The following CDIN1 variants were observed in gnomAD, a reference collection of about 807,000 sequenced individuals.
CDIN1 encodes the protein CDAN1-interacting nuclease 1.
CDIN1 carries 33 observed loss-of-function variants against 45.3 expected under a neutral mutation model. That is an observed-to-expected ratio of 0.73 (90% CI 0.55 to 0.97). The LOEUF (loss-of-function observed/expected upper bound fraction) is 0.97, where lower values mean the gene tolerates loss of function less well. Among genes scored for constraint, CDIN1 ranks in the 50% least tolerant of loss-of-function variants. The pLI is 0.00. For missense variants in CDIN1, 303 were observed against 339.4 expected (o/e 0.89, Z 0.84); for synonymous variants, 118 against 124.4 (o/e 0.95, Z 0.34).
intron 10 of CDIN1, among the ~76,000 whole-genome samples, chr15:36,736,499 T>C (rs1413013348): frequency 6.6e-6 from 1 of 152,182 alleles, no homozygotes; most frequent in African/African-American, 2.4e-5. Flanking sequence ...GATGCTGCTT[T>C]GATAATGAGT....
chr15:36,795,039 A>G (rs1375358043), intron 10 of CDIN1, among the ~76,000 whole-genome samples: 2 of 146,950 alleles, frequency 1.4e-5, no homozygotes, highest in Non-Finnish European at 3.1e-5. Context: ...GCACAGAATA[A>G]CAAATATCAC....
chr15:36,704,000 A>T (rs1429097568), intron 8 of CDIN1, among the ~76,000 whole-genome samples: 4 of 151,946 alleles, frequency 2.6e-5, no homozygotes, highest in Non-Finnish European at 5.9e-5. Flanking sequence ...CCTCCCTACA[A>T]CCTGTCCTGT....
At chr15:36,721,975 G>T (rs1000345497) in intron 10 of CDIN1, among the ~76,000 whole-genome samples, 1 of 151,888 alleles carries the variant, frequency 6.6e-6, no homozygotes, top group Non-Finnish European at 1.5e-5. Context: ...CCAATCAAAT[G>T]GCTCACTCTT....
At chr15:36,678,145 T>G (rs774594460) in intron 5 of CDIN1, among the ~76,000 whole-genome samples, 5 of 152,232 alleles carry the variant, frequency 3.3e-5, no homozygotes, top group Non-Finnish European at 7.3e-5. Context: ...ATTCAGATTG[T>G]CAAATGAGAT....
chr15:36,751,328 A>G (rs2053465589), intron 10 of CDIN1, among the ~76,000 whole-genome samples: 2 of 147,938 alleles, frequency 1.4e-5, no homozygotes, highest in Admixed American at 1.4e-4. Flanking sequence ...TCTTAATGCC[A>G]TGGAAATTCC....
intron 1 of CDIN1, among the ~76,000 whole-genome samples, chr15:36,633,361 TC>T (rs2039760259): frequency 6.6e-6 from 1 of 152,214 alleles, no homozygotes; most frequent in Non-Finnish European, 1.5e-5. Flanking sequence ...CTGAGGTAAC[TC>T]TTTTCTTGAG....
At chr15:36,768,845 A>G (rs1476880519) in intron 10 of CDIN1, among the ~76,000 whole-genome samples, 1 of 152,132 alleles carries the variant, frequency 6.6e-6, no homozygotes, top group African/African-American at 2.4e-5. Context: ...CCAAGGAGAA[A>G]GGCCTCAGAG....
chr15:36,762,911 G>C (rs1214957372), intron 10 of CDIN1, among the ~76,000 whole-genome samples: 1 of 152,036 alleles, frequency 6.6e-6, no homozygotes, highest in Admixed American at 6.5e-5. Flanking sequence ...ATTTGGGTTG[G>C]TTCCAAGTCT....
chr15:36,670,176 A>T (rs1446722307), intron 5 of CDIN1, among the ~76,000 whole-genome samples: 1 of 152,044 alleles, frequency 6.6e-6, no homozygotes, highest in Admixed American at 6.6e-5. Context: ...TTTTATTTAG[A>T]TTTAGAACTT....
chr15:36,637,422 CA>C (rs955196918), intron 1 of CDIN1, among the ~76,000 whole-genome samples: 8 of 152,108 alleles, frequency 5.3e-5, no homozygotes, highest in African/African-American at 1.9e-4. Flanking sequence ...TTTTGTACTT[CA>C]AAAGGTACCA....
chr15:36,672,407 G>A (rs1192814263), intron 5 of CDIN1, among the ~76,000 whole-genome samples: 1 of 151,808 alleles, frequency 6.6e-6, no homozygotes, highest in Non-Finnish European at 1.5e-5. Context: ...ACAGGCTCTT[G>A]GGAGATCTCA....
Position 36,695,935 on chromosome 15 carries a change from A to T in CDIN1, c.477-1388A>T, listed in dbSNP as rs76092523. Among the ~76,000 whole-genome samples the T allele has an allele frequency of 6.7e-3, 1,018 of 152,210 alleles. 8 individuals are homozygous for T. The highest frequency in any genetic ancestry group is 0.023 in the African/African-American group (950 of 41,534). Reference sequence around the variant, plus strand: ...TCAAAGTATTTAGTACAAAGTCTTCATACATTATATTTAAGAAATATTAGC... The same window carrying T: ...TCAAAGTATTTAGTACAAAGTCTTCTTACATTATATTTAAGAAATATTAGC... On this transcript the variant is annotated intron_variant, in intron 7 of 10. Transcript: ENST00000566621.
At chr15:36,626,709 G>T in intron 1 of CDIN1, 1 of 430,826 alleles carries the variant, frequency 2.3e-6, no homozygotes, top group South Asian at 1.8e-5. Flanking sequence ...GTGCTATTCT[G>T]GTTCACCTGA....
chr15:36,798,848 T>C (rs974646271), intron 10 of CDIN1: 1 of 152,192 alleles, frequency 6.6e-6, no homozygotes, highest in African/African-American at 2.4e-5. Flanking sequence ...ATTTCTAATA[T>C]TCAGAAAGTT....
intron 10 of CDIN1, among the ~76,000 whole-genome samples, chr15:36,712,523 C>G (rs185629158): frequency 1.9e-4 from 29 of 152,180 alleles, no homozygotes; most frequent in African/African-American, 6.7e-4. Flanking sequence ...CTTGGTCTCC[C>G]AAAGTGCTGG....
intron 10 of CDIN1, among the ~76,000 whole-genome samples, chr15:36,718,145 A>C (rs1224644100): frequency 6.6e-6 from 1 of 151,932 alleles, no homozygotes; most frequent in Non-Finnish European, 1.5e-5. Flanking sequence ...TCTCCACCTA[A>C]ATTACCTTTG....
chr15:36,745,915 G>A (rs997144646), intron 10 of CDIN1, among the ~76,000 whole-genome samples: 2 of 151,946 alleles, frequency 1.3e-5, no homozygotes, highest in African/African-American at 2.4e-5. Context: ...GCAATGAGCC[G>A]AGATCACGCC....
intron 5 of CDIN1, among the ~76,000 whole-genome samples, chr15:36,685,429 A>T (rs1488628842): frequency 6.6e-6 from 1 of 151,686 alleles, no homozygotes; most frequent in Non-Finnish European, 1.5e-5. Context: ...GTTTGATTGC[A>T]CTGTGGTCTG....
chr15:36,681,520 C>T (rs2041850573), intron 5 of CDIN1, among the ~76,000 whole-genome samples: 2 of 152,050 alleles, frequency 1.3e-5, no homozygotes, highest in African/African-American at 2.4e-5. Flanking sequence ...CAGAATTTTT[C>T]AAATTGGTTA....
Sources: allele counts gnomAD v4.1 joint callset (sites outside exome capture counted in the v4.1 genomes callset), GRCh38; gene constraint gnomAD v4.1.1; transcripts MANE v1.5; gene names NCBI Gene and HGNC (gene_info 2026-07-23, HGNC 2026-07-21).